PITPNC1: variants seen among roughly 807,000 people sequenced by gnomAD.
PITPNC1 encodes cytoplasmic phosphatidylinositol transfer protein 1.
A neutral mutation model predicts 44.7 loss-of-function variants in PITPNC1; 18 were observed. That is an observed-to-expected ratio of 0.40 (90% CI 0.28 to 0.60). The LOEUF (loss-of-function observed/expected upper bound fraction) is 0.60. PITPNC1 is among the 20% of genes least tolerant of loss of function. The probability of loss-of-function intolerance (pLI) is 0.39; values close to 1 mark genes in which losing one functional copy is unlikely to be tolerated. For synonymous variants in PITPNC1, 141 were observed against 149.6 expected, an observed-to-expected ratio of 0.94 and a Z score of 0.42; for missense variants, 290 against 418.4, an observed-to-expected ratio of 0.69 and a Z score of 2.68.
chr17:67,524,322 G>A (rs1453120430), intron 1 of PITPNC1, among the ~76,000 whole-genome samples: 2 of 152,078 alleles, frequency 1.3e-5, no homozygotes, highest in Non-Finnish European at 2.9e-5. Flanking sequence ...GTGCCTGCCT[G>A]TAGTCCCAGT....
intron 5 of PITPNC1, among the ~76,000 whole-genome samples, chr17:67,600,860 G>A (rs1431428537): frequency 6.6e-6 from 1 of 151,838 alleles, no homozygotes; most frequent in African/African-American, 2.4e-5. Flanking sequence ...AATAAAGGCT[G>A]AGAATTTTCT....
rs1013280414 is a variant in PITPNC1 at position 67,597,693 on chromosome 17, A to G, written c.366+19436A>G. ...TAATGGTGCCTTAATTCATCGTACA[A>G]GAAACATTTGTTAAACATCTATTCG... On this transcript the variant is annotated intron_variant, in intron 5 of 8. Coordinates refer to ENST00000581322, the MANE Select transcript of PITPNC1 (RefSeq NM_012417.4). This position sits in a 1 kb window ranked among gnomAD's most constrained non-coding sequence, Gnocchi z 4.0. Among the ~76,000 whole-genome samples, 5 of 152,248 alleles carry G rather than the reference A, an allele frequency of 3.3e-5. No individual in the cohort carries two copies. Among genetic ancestry groups the G allele is most frequent in the African/African-American group, 7.2e-5 (3 of 41,464 alleles).
At chr17:67,642,057 C>T (rs530831653) in intron 6 of PITPNC1, among the ~76,000 whole-genome samples, 1 of 151,956 alleles carries the variant, frequency 6.6e-6, no homozygotes, top group Non-Finnish European at 1.5e-5. Context: ...TTAAATTGCC[C>T]CTGACTCACA....
chr17:67,573,445 G>A (rs1019378359), intron 4 of PITPNC1, among the ~76,000 whole-genome samples: 1 of 151,960 alleles, frequency 6.6e-6, no homozygotes, highest in Non-Finnish European at 1.5e-5. Flanking sequence ...ATATTGCAGT[G>A]TAGAGAGGTC....
chr17:67,577,302 TA>T (rs2041162775), intron 4 of PITPNC1, among the ~76,000 whole-genome samples: 1 of 146,780 alleles, frequency 6.8e-6, no homozygotes, highest in South Asian at 2.2e-4. Context: ...AAAATAAAAA[TA>T]AAAAGAAGGC....
chr17:67,484,516 C>T (rs1471869938), intron 1 of PITPNC1, among the ~76,000 whole-genome samples: 3 of 152,182 alleles, frequency 2.0e-5, no homozygotes, highest in Non-Finnish European at 4.4e-5. Flanking sequence ...TACATCTGAC[C>T]TTGTTCTGAA....
At chr17:67,564,192 GAT>G (rs1350726906) in intron 4 of PITPNC1, among the ~76,000 whole-genome samples, 1 of 151,970 alleles carries the variant, frequency 6.6e-6, no homozygotes, top group Admixed American at 6.6e-5. Flanking sequence ...TGGATGGATG[GAT>G]GGATGGATGA....
At chr17:67,462,998 G>A (rs896942898) in intron 1 of PITPNC1, among the ~76,000 whole-genome samples, 2 of 152,164 alleles carry the variant, frequency 1.3e-5, no homozygotes, top group South Asian at 2.1e-4. Flanking sequence ...CGCCGCCCCC[G>A]GCAACAATTG....
chr17:67,681,344 T>G (rs1345670979), intron 8 of PITPNC1, among the ~76,000 whole-genome samples: 3 of 152,014 alleles, frequency 2.0e-5, no homozygotes, highest in Admixed American at 6.6e-5. Flanking sequence ...CAGGTGTGGT[T>G]GTTCATACCT....
intron 1 of PITPNC1, among the ~76,000 whole-genome samples, chr17:67,425,202 C>G (rs1167740800): frequency 3.4e-5 from 1 of 29,428 alleles, no homozygotes; most frequent in Non-Finnish European, 6.8e-5. Context: ...CGCACGCACA[C>G]GCACACACAC....
At chr17:67,464,338 A>G (rs1321789167) in intron 1 of PITPNC1, among the ~76,000 whole-genome samples, 2 of 152,220 alleles carry the variant, frequency 1.3e-5, no homozygotes, top group Non-Finnish European at 2.9e-5. Flanking sequence ...AGCATCTAAC[A>G]TAATAGTTAT....
At chr17:67,664,849 G>C (rs1284539353) in intron 6 of PITPNC1, among the ~76,000 whole-genome samples, 1 of 150,612 alleles carries the variant, frequency 6.6e-6, no homozygotes, top group African/African-American at 2.4e-5. Context: ...AGATTGCAGT[G>C]AGCCGAGATC....
intron 1 of PITPNC1, among the ~76,000 whole-genome samples, chr17:67,477,908 A>AT (rs1478943453): frequency 6.6e-6 from 1 of 152,122 alleles, no homozygotes; most frequent in Non-Finnish European, 1.5e-5. Flanking sequence ...TGGGTGTGTC[A>AT]TAATGTAGTC....
Position 67,454,576 on chromosome 17 carries a change from G to A in PITPNC1, c.48+76374G>A, listed in dbSNP as rs563500997. Among the ~76,000 whole-genome samples the A allele has an allele frequency of 4.6e-5, 7 of 152,110 alleles. No individual in the cohort carries two copies. The South Asian group carries it at 1.5e-3, about 32-fold the overall frequency. ...CAGGGCCTGCAGGATATAGTTTGTG[G>A]ACCCTGCATTGGAGTATGAACTTGA... On this transcript the variant is annotated intron_variant, in intron 1 of 8. Transcript: ENST00000581322.
At chr17:67,666,145 G>C (rs1187044946) in intron 6 of PITPNC1, among the ~76,000 whole-genome samples, 1 of 108,490 alleles carries the variant, frequency 9.2e-6, no homozygotes, top group Non-Finnish European at 2.4e-5. Flanking sequence ...GCCTGGCCAA[G>C]TGTTTTTTTG....
intron 1 of PITPNC1, among the ~76,000 whole-genome samples, chr17:67,426,433 A>G (rs1412577455): frequency 6.6e-6 from 1 of 152,214 alleles, no homozygotes; most frequent in Non-Finnish European, 1.5e-5. Flanking sequence ...CAGCCATAAA[A>G]AGGAATGAGA....
At chr17:67,579,253 C>G (rs940298702) in intron 5 of PITPNC1, among the ~76,000 whole-genome samples, 1 of 152,224 alleles carries the variant, frequency 6.6e-6, no homozygotes, top group African/African-American at 2.4e-5. Context: ...TTTCTAACTT[C>G]TCTTTTCTTT....
intron 1 of PITPNC1, among the ~76,000 whole-genome samples, chr17:67,454,351 T>C (rs2364977): frequency 6.6e-5 from 10 of 152,126 alleles, no homozygotes; most frequent in African/African-American, 2.4e-4. Context: ...GATCTTTCAC[T>C]ACTTACATAA....
chr17:67,684,998 G>A (rs2042786445), intron 8 of PITPNC1, among the ~76,000 whole-genome samples: 1 of 152,226 alleles, frequency 6.6e-6, no homozygotes, highest in Non-Finnish European at 1.5e-5. Context: ...ATGCCTGTTG[G>A]GATGGTGGGG....
Sources: gnomAD v4.1 joint callset for allele counts (sites outside exome capture counted in the v4.1 genomes callset) on GRCh38, gnomAD v4.1.1 for gene constraint, Gnocchi (gnomAD v3.1) non-coding constraint, MANE v1.5 for transcripts, NCBI Gene and HGNC (gene_info 2026-07-23, HGNC 2026-07-21) for gene names.